The following MYOG variants were observed in gnomAD, a reference collection of about 807,000 sequenced individuals.
MYOG encodes class C basic helix-loop-helix protein 3.
Under a neutral mutation model 17.7 loss-of-function variants are expected in MYOG, and 6 were observed. The observed-to-expected ratio is 0.34, with a 90% CI of 0.19 to 0.67. The LOEUF is 0.67. MYOG is among the 30% of genes least tolerant of loss of function. MYOG has a pLI of 0.69. For synonymous variants in MYOG, 125 were observed against 130.2 expected (o/e 0.96, Z 0.27); for missense variants, 272 against 302.0 (o/e 0.90, Z 0.74).
At position 203,083,470 on chromosome 1, in the gene MYOG, C is replaced by T; in HGVS notation, c.*440G>A. The T allele has an allele frequency of 2.4e-6, 1 of 408,878 alleles. No individual in the cohort carries two copies. The highest frequency in any genetic ancestry group is 3.5e-5 in the East Asian group (1 of 28,924). 25.3% of individuals were successfully genotyped at this position (408,878 alleles called of 1,614,324 possible). A position where few individuals can be genotyped will look rare whatever the true frequency, so the allele number is the denominator to read the frequency against. On this transcript the variant is annotated 3_prime_UTR_variant, in exon 3 of 3. Transcript: ENST00000241651. Reference sequence around the variant, plus strand: ...CCCCTTCTTCTCTCTCAATTCAGGGCAGGCCCAGCCCAGCCACTGGCATCG... The same window carrying T: ...CCCCTTCTTCTCTCTCAATTCAGGGTAGGCCCAGCCCAGCCACTGGCATCG...
intron 2 of MYOG, 151 bp from the exon 3 acceptor site, chr1:203,084,182 C>T: frequency 2.6e-6 from 2 of 770,686 alleles, no homozygotes; most frequent in Non-Finnish European, 4.0e-6. Context: ...CCTGCCTTTC[C>T]CCATGCTCTG....
chr1:203,084,898 T>C (rs1243858119), intron 1 of MYOG, among the ~76,000 whole-genome samples, 170 bp from the exon 2 acceptor site: 2 of 152,152 alleles, frequency 1.3e-5, no homozygotes, highest in African/African-American at 4.8e-5. Context: ...AACTAGCTCC[T>C]CTCACACCCC....
chr1:203,085,358 G>A, intron 1 of MYOG, 133 bp downstream of exon 1: 1 of 789,148 alleles, frequency 1.3e-6, no homozygotes, highest in South Asian at 1.8e-5. Context: ...GACCAGGGAA[G>A]GGCTCCTGCA....
chr1:203,083,469 G>T lies in MYOG; in HGVS notation c.*441C>A, dbSNP rs1014041553. The T allele has an allele frequency of 3.2e-5, 13 of 408,554 alleles. No homozygotes were observed. The highest frequency in any genetic ancestry group is 5.2e-5 in the Non-Finnish European group (12 of 230,768). 25.3% of individuals were successfully genotyped at this position (408,554 alleles called of 1,614,324 possible). The stretch of plus-strand genomic sequence containing the variant: ...TCCCCTTCTTCTCTCTCAATTCAGG[G>T]CAGGCCCAGCCCAGCCACTGGCATC... On this transcript the variant is annotated 3_prime_UTR_variant, in exon 3 of 3. Transcript: ENST00000241651.
rs776045042 is a variant in MYOG, at chr1:203,085,594, C to T, written c.368G>A (p.Arg123His). 3.7e-6 allele frequency: 6 copies of T among 1,614,044 alleles called. No individual in the cohort carries two copies. The highest frequency in any genetic ancestry group is 2.2e-5 in the East Asian group (1 of 44,886). The change falls in exon 1 of 3, where the codon CGC becomes CAC. Residue 123 changes from arginine to histidine, a missense_variant. Physicochemically the swap from Arg to His is conservative, Grantham distance 29. Coordinates refer to ENST00000241651, the MANE Select transcript of MYOG (RefSeq NM_002479.6). The stretch of plus-strand genomic sequence containing the variant: ...GCGCTCGATGTACTGGATGGCACTG[C>T]GCAGGATCTCCACCTTGGGCAGCCG... ...NQRLPKVEILRSAIQYIERLQ... is the reference protein window; with the variant it reads ...NQRLPKVEILHSAIQYIERLQ...
chr1:203,084,195 A>AGTGTGTGT (rs3835486), intron 2 of MYOG, among the ~76,000 whole-genome samples, 164 bp from the exon 3 acceptor site: 2,541 of 135,458 alleles, frequency 0.019, 43 homozygotes, highest in African/African-American at 0.026. Context: ...ATGCTCTGTG[A>AGTGTGTGT]GTGTGTGTGT....
chr1:203,085,556 G>A lies in MYOG; in HGVS notation c.406C>T (p.Leu136Phe), dbSNP rs1301794810. Residue 136 changes from leucine to phenylalanine, a missense_variant, in exon 1 of 3, where the codon CTC becomes TTC. Leu to Phe is a conservative substitution (Grantham distance 22, BLOSUM62 0). Transcript: ENST00000241651. Reference sequence around the variant, plus strand: ...CGCTCCTCCTGGTTGAGGGAGCTGAGCAGGGCCTGGAGGCGCTCGATGTAC... The same window carrying A: ...CGCTCCTCCTGGTTGAGGGAGCTGAACAGGGCCTGGAGGCGCTCGATGTAC... The part of the protein sequence containing the change: ...IQYIERLQAL[L>F]SSLNQEERDL... The A allele has an allele frequency of 6.2e-7, 1 of 1,614,178 alleles. No individual in the cohort carries two copies. Among genetic ancestry groups the A allele is most frequent in the East Asian group, 2.2e-5 (1 of 44,880 alleles).
Position 203,083,518 on chromosome 1 carries a change from G to T in MYOG, c.*392C>A. 4.3e-6 allele frequency: 2 copies of T among 468,656 alleles called. No homozygotes were observed. The highest frequency in any genetic ancestry group is 3.5e-5 in the Admixed American group (1 of 28,248). 29.0% of individuals were successfully genotyped at this position (468,656 alleles called of 1,614,324 possible). On this transcript the variant is annotated 3_prime_UTR_variant, in exon 3 of 3. Coordinates refer to ENST00000241651, the MANE Select transcript of MYOG (RefSeq NM_002479.6). ...TCGGGAAGAGACCAGAACAGGAGACGTGCACAGCTTGTCCAGGTCAGGGCA... is the reference window on the plus strand; with the variant it reads ...TCGGGAAGAGACCAGAACAGGAGACTTGCACAGCTTGTCCAGGTCAGGGCA...
At chr1:203,084,105 C>T (rs1407345308) in intron 2 of MYOG, 74 bp from the exon 3 acceptor site, 2 of 1,542,212 alleles carry the variant, frequency 1.3e-6, no homozygotes, top group African/African-American at 2.7e-5. Context: ...GAGGATGGGA[C>T]CCTTGGGGTG....
chr1:203,085,367 C>A (rs948894027), intron 1 of MYOG, 124 bp downstream of exon 1: 1 of 870,028 alleles, frequency 1.1e-6, no homozygotes, highest in Non-Finnish European at 1.7e-6. Context: ...AGGGCTCCTG[C>A]AGCCCCTCGA....
In MYOG at chr1:203,085,877, C is replaced by G. The variant is rs747929276; in HGVS notation, c.85G>C (p.Gly29Arg). ...GENYLPVHLQ[G>R]FEPPGYERTE... ...CGCTCGTAGCCTGGTGGTTCGAAGC[C>G]CTGGAGGTGGACAGGCAGGTAGTTT... Residue 29 changes from glycine to arginine, a missense_variant, in exon 1 of 3, where the codon GGC becomes CGC. Transcript: ENST00000241651. 10 of 1,613,604 alleles carry G rather than the reference C, an allele frequency of 6.2e-6. No individual in the cohort carries two copies. The Admixed American group carries it at 1.7e-4, about 27-fold the overall frequency.
chr1:203,083,721 CG>C lies in MYOG; in HGVS notation c.*188del. 1.2e-6 allele frequency: 1 copy of C among 813,864 alleles called. No homozygotes were observed. The highest frequency in any genetic ancestry group is 1.9e-6 in the Non-Finnish European group (1 of 526,294). The allele number at this position is 813,864 out of a possible 1,614,324, so 50.4% of individuals were successfully genotyped here. A position where few individuals can be genotyped will look rare whatever the true frequency, so the allele number is the denominator to read the frequency against. On this transcript the variant is annotated 3_prime_UTR_variant, in exon 3 of 3. Transcript: ENST00000241651. ...CTCTAAGGAGGCAGCTGAATGAGGGCGTCCAGTCCCTTGCTGGGGGGTGGGT... is the reference window on the plus strand; with the variant it reads ...CTCTAAGGAGGCAGCTGAATGAGGGCTCCAGTCCCTTGCTGGGGGGTGGGT...
rs1401673903 is a variant in MYOG, at chr1:203,085,968, G to C, written c.-7C>G. On this transcript the variant is annotated 5_prime_UTR_variant, in exon 1 of 3. Coordinates refer to ENST00000241651, the MANE Select transcript of MYOG (RefSeq NM_002479.6). ...ATGTCTCATACAGCTCCATGGGGTC[G>C]GAAAAGGCTTGTTCCTGCCACCAGC... The C allele has an allele frequency of 6.5e-7, 1 of 1,541,618 alleles. No homozygotes were observed. Among genetic ancestry groups the C allele is most frequent in the Admixed American group, 2.0e-5 (1 of 49,612 alleles).
intron 2 of MYOG, among the ~76,000 whole-genome samples, 164 bp from the exon 3 acceptor site, chr1:203,084,195 A>AGTGTGTGTGTGTGT (rs3835486): frequency 0.029 from 3,883 of 135,396 alleles, 142 homozygotes; most frequent in African/African-American, 0.055. Flanking sequence ...ATGCTCTGTG[A>AGTGTGTGTGTGTGT]GTGTGTGTGT....
chr1:203,085,542 G>A lies in MYOG; in HGVS notation c.420C>T (p.Asn140=). Reference sequence around the variant, plus strand: ...GGTAGCGGAGGTCACGCTCCTCCTGGTTGAGGGAGCTGAGCAGGGCCTGGA... The same window carrying A: ...GGTAGCGGAGGTCACGCTCCTCCTGATTGAGGGAGCTGAGCAGGGCCTGGA... ...ERLQALLSSL[N]QEERDLRYRG... Residue 140 remains asparagine, a synonymous_variant, in exon 1 of 3, where the codon AAC becomes AAT. Transcript: ENST00000241651. 1 of 1,614,138 alleles carries A rather than the reference G, an allele frequency of 6.2e-7. No individual in the cohort carries two copies. The highest frequency in any genetic ancestry group is 8.5e-7 in the Non-Finnish European group (1 of 1,179,984).
rs1334975720 is a variant in MYOG, at chr1:203,085,889, C to G, written c.73G>C (p.Val25Leu). 6.2e-7 allele frequency: 1 copy of G among 1,613,220 alleles called. No homozygotes were observed. Among genetic ancestry groups the G allele is most frequent in the South Asian group, 1.1e-5 (1 of 90,962 alleles). Residue 25 changes from valine (V) to leucine (L), a missense_variant, in exon 1 of 3, where the codon GTC becomes CTC. Transcript: ENST00000241651. ...RFYDGENYLP[V>L]HLQGFEPPGY... is the part of the protein sequence containing the mutation. ...GGTGGTTCGAAGCCCTGGAGGTGGACAGGCAGGTAGTTTTCCCCATCATAG... is the reference window on the plus strand; with the variant it reads ...GGTGGTTCGAAGCCCTGGAGGTGGAGAGGCAGGTAGTTTTCCCCATCATAG...
chr1:203,084,433 G>T (rs897959112), intron 2 of MYOG, among the ~76,000 whole-genome samples: 4 of 152,144 alleles, frequency 2.6e-5, no homozygotes, highest in African/African-American at 9.7e-5. Context: ...GGCATCAGCT[G>T]GGGAGCTGCA....
In MYOG at chr1:203,085,723, A is replaced by G. The variant is rs759037685; in HGVS notation, c.239T>C (p.Val80Ala). 1.2e-5 allele frequency: 19 copies of G among 1,614,080 alleles called. No individual in the cohort carries two copies. The South Asian group carries it at 2.0e-4, about 17-fold the overall frequency. Reference protein sequence around the residue: ...CKVCKRKSVSVDRRRAATLRE... With the variant: ...CKVCKRKSVSADRRRAATLRE... Reference sequence around the variant, plus strand: ...CAGTGTGGCCGCCCGCCGCCGGTCCACGGACACCGACTTCCTCTTACACAC... The same window carrying G: ...CAGTGTGGCCGCCCGCCGCCGGTCCGCGGACACCGACTTCCTCTTACACAC... Residue 80 changes from valine (V) to alanine (A), a missense_variant, in exon 1 of 3, where the codon GTG becomes GCG. Physicochemically the swap from Val to Ala is moderately conservative, Grantham distance 64. Transcript: ENST00000241651.
At chr1:203,085,405 T>G in intron 1 of MYOG, 86 bp downstream of exon 1, 4 of 1,284,130 alleles carry the variant, frequency 3.1e-6, no homozygotes, top group Non-Finnish European at 4.2e-6. Context: ...ACCAACCCTC[T>G]GAGCCCCTCT....
Sources: allele counts gnomAD v4.1 joint callset (sites outside exome capture counted in the v4.1 genomes callset), GRCh38; gene constraint gnomAD v4.1.1; transcripts MANE v1.5; gene names NCBI Gene and HGNC (gene_info 2026-07-23, HGNC 2026-07-21).